MMP19: variants seen among roughly 807,000 people sequenced by gnomAD.
MMP19 encodes matrix metalloproteinase-19.
Under a neutral mutation model 46.6 loss-of-function variants are expected in MMP19, and 47 were observed. The observed-to-expected ratio is 1.01, with a 90% CI of 0.80 to 1.29. The LOEUF (loss-of-function observed/expected upper bound fraction) is 1.29. MMP19 is among the 50% of genes most tolerant of loss of function. MMP19 has a pLI of 0.00. For missense variants in MMP19, 589 were observed against 643.5 expected, an observed-to-expected ratio of 0.92 and a Z score of 0.92; for synonymous variants, 222 against 248.5, an observed-to-expected ratio of 0.89 and a Z score of 1.00.
chr12:55,837,869 C>T lies in MMP19; in HGVS notation c.1034G>A (p.Arg345Gln), dbSNP rs762888609. 4 of 1,610,520 alleles carry T rather than the reference C, an allele frequency of 2.5e-6. No individual in the cohort carries two copies. The highest frequency in any genetic ancestry group is 3.4e-6 in the Non-Finnish European group (4 of 1,177,158). The change falls in exon 7 of 9, where the codon CGA becomes CAA. Residue 345 changes from arginine (R) to glutamine (Q), a missense_variant. Physicochemically the swap from Arg to Gln is conservative, Grantham distance 43. Transcript: ENST00000322569. ...CTTAAAGAAGTGAATCCATTGTGTT[C>T]GAGGCGAGTAGACAGCAGCATCCAG... is the stretch of plus-strand genomic sequence containing the variant. ...GNLDAAVYSPRTQWIHFFKGD... is the reference protein window; with the variant it reads ...GNLDAAVYSPQTQWIHFFKGD...
chr12:55,842,623 G>C (rs979148808), intron 1 of MMP19, 121 bp downstream of exon 1: 13 of 905,834 alleles, frequency 1.4e-5, no homozygotes, highest in Admixed American at 1.2e-4. Flanking sequence ...GGTAGACCAT[G>C]GGGCAGAGAG....
Position 55,837,850 on chromosome 12 carries a change from G to T in MMP19, c.1053C>A (p.Phe351Leu). The T allele has an allele frequency of 1.2e-6, 2 of 1,604,832 alleles. No homozygotes were observed. Among genetic ancestry groups the T allele is most frequent in the Non-Finnish European group, 1.7e-6 (2 of 1,172,678 alleles). The change falls in exon 7 of 9, where the codon TTC becomes TTA. Residue 351 changes from phenylalanine to leucine, a missense_variant. Phe to Leu is a conservative substitution (Grantham distance 22). Transcript: ENST00000322569. ...VYSPRTQWIH[F>L]FKGDKVWRYI... ...TGTAACTAGCCTCCTTACCCTTAAA[G>T]AAGTGAATCCATTGTGTTCGAGGCG...
intron 4 of MMP19, 87 bp from the exon 5 acceptor site, chr12:55,839,828 A>G (rs1232106300): frequency 2.7e-6 from 4 of 1,458,880 alleles, no homozygotes; most frequent in East Asian, 2.5e-5. Context: ...TAATTAATGC[A>G]TACCTTTAAA....
chr12:55,839,660 TA>T lies in MMP19; in HGVS notation c.601del (p.Tyr201ThrfsTer4), dbSNP rs759680750. 3.7e-6 allele frequency: 6 copies of T among 1,614,114 alleles called. No homozygotes were observed. Among genetic ancestry groups the T allele is most frequent in the Non-Finnish European group, 5.1e-6 (6 of 1,180,046 alleles). ...DEDEFWTEGT[Y>X]RGVNLRIIAA... ...AATGATGCGCAGGTTCACCCCACGG[TA>T]GGTCCCCTCAGTCCAGAACTCGTCT... is the stretch of plus-strand genomic sequence containing the variant. On this transcript the variant is annotated frameshift_variant, in exon 5 of 9. Transcript: ENST00000322569. LOFTEE classifies it high-confidence loss of function.
chr12:55,839,167 G>A (rs1406212968), intron 5 of MMP19, among the ~76,000 whole-genome samples: 1 of 151,518 alleles, frequency 6.6e-6, no homozygotes, highest in Non-Finnish European at 1.5e-5. Flanking sequence ...GCTTGAACCC[G>A]GGAGGCGGAG....
In MMP19 at chr12:55,836,960, T is replaced by A. The variant is rs773990083; in HGVS notation, c.*76A>T. On this transcript the variant is annotated 3_prime_UTR_variant, in exon 9 of 9. Coordinates refer to ENST00000322569, the MANE Select transcript of MMP19 (RefSeq NM_002429.6). ...TTCATTCAGCTATTAGGCCTTAGGCTTCTGGGGGGGAAATGAAAGGGTGGG... is the reference window on the plus strand; with the variant it reads ...TTCATTCAGCTATTAGGCCTTAGGCATCTGGGGGGGAAATGAAAGGGTGGG... 111 of 1,346,960 alleles carry A rather than the reference T, an allele frequency of 8.2e-5. No homozygotes were observed. Among genetic ancestry groups the A allele is most frequent in the Admixed American group, 2.0e-4 (9 of 44,788 alleles). 83.4% of individuals were successfully genotyped at this position (1,346,960 alleles called of 1,614,324 possible).
Position 55,841,198 on chromosome 12 carries a change from T to A in MMP19, c.212A>T (p.Gln71Leu), listed in dbSNP as rs1565699233. The A allele has an allele frequency of 6.2e-7, 1 of 1,613,868 alleles. No individual in the cohort carries two copies. Among genetic ancestry groups the A allele is most frequent in the South Asian group, 1.1e-5 (1 of 91,082 alleles). ...GCGGGCCCTTGTGGCATCATCCAGC[T>A]GACCTGAGACTGGAAGTTCAGATGC... The part of the protein sequence containing the change: ...QEASELPVSG[Q>L]LDDATRARMR... The change falls in exon 3 of 9, where the codon CAG (glutamine) becomes CTG (leucine). Residue 71 changes from glutamine to leucine, a missense_variant. Transcript: ENST00000322569.
chr12:55,842,602 G>T, intron 1 of MMP19, 142 bp downstream of exon 1: 1 of 851,398 alleles, frequency 1.2e-6, no homozygotes, highest in Admixed American at 2.1e-5. Context: ...GAAGCAGCGG[G>T]AGATGGGCAG....
rs1479758128 is a variant in MMP19, at chr12:55,837,890, T to C, written c.1013A>G (p.Asp338Gly). The C allele has an allele frequency of 3.1e-6, 5 of 1,613,118 alleles. No individual in the cohort carries two copies. The highest frequency in any genetic ancestry group is 4.2e-6 in the Non-Finnish European group (5 of 1,179,280). The change falls in exon 7 of 9, where the codon GAT becomes GGT. Residue 338 changes from aspartate to glycine, a missense_variant. By Grantham distance (94) the Asp-to-Gly change is moderately conservative. Coordinates refer to ENST00000322569, the MANE Select transcript of MMP19 (RefSeq NM_002429.6). ...ALWEGLPGNL[D>G]AAVYSPRTQW... is the part of the protein sequence containing the mutation. ...TGTTCGAGGCGAGTAGACAGCAGCA[T>C]CCAGGTTTCCGGGGAGCCCCTCCCA...
At position 55,839,746 on chromosome 12, in the gene MMP19, A is replaced by G. The variant is rs1361261549; in HGVS notation, c.521-5T>C. The G allele has an allele frequency of 3.1e-6, 5 of 1,607,808 alleles. No individual in the cohort carries two copies. The East Asian group carries it at 1.1e-4, about 36-fold the overall frequency. On this transcript the variant is annotated splice_region_variant and splice_polypyrimidine_tract_variant and intron_variant, in intron 4 of 8. Transcript: ENST00000322569. ...CGGCATGGGCCAGGACTCTCCCTGG[A>G]CAAAGGCAAAGGTGAACAGGAAGGA...
chr12:55,840,178 G>A lies in MMP19; in HGVS notation c.521-437C>T, dbSNP rs1592608361. ...TCATCTCTACAAAAATTAGCCAGGT[G>A]TGGTAGTGTTTGCCTGTAGTCTCTA... is the stretch of plus-strand genomic sequence containing the variant. On this transcript the variant is annotated intron_variant, in intron 4 of 8. Coordinates refer to ENST00000322569, the MANE Select transcript of MMP19 (RefSeq NM_002429.6). The A allele has an allele frequency of 2.9e-5, 6 of 207,416 alleles. No homozygotes were observed. In the South Asian group the frequency reaches 3.7e-4, roughly 13 times the overall value. 12.8% of individuals were successfully genotyped at this position (207,416 alleles called of 1,614,324 possible).
At chr12:55,840,340 GAGGGAGGGAGGGAGGGAGAGAAGGAAGGA>G (rs1881586757) in intron 4 of MMP19, among the ~76,000 whole-genome samples, 2 of 136,458 alleles carry the variant, frequency 1.5e-5, no homozygotes, top group African/African-American at 5.7e-5. Flanking sequence ...GGAAAGAAGG[GAGGGAGGGAGGGAGGGAGAGAAGGAAGGA>G]AGGGAGGGAG....
rs1386328301 is a variant in MMP19 at position 55,836,215 on chromosome 12, A to G, written c.*821T>C. 6.6e-6 allele frequency: 1 copy of G among 152,202 alleles called. No homozygotes were observed. Among genetic ancestry groups the G allele is most frequent in the Non-Finnish European group, 1.5e-5 (1 of 68,044 alleles). 9.4% of individuals were successfully genotyped at this position (152,202 alleles called of 1,614,324 possible). ...CAATGGGAGGGAGGGAGAACATGGGAGCATGTGAATAAAATGGCATTAAAT... is the reference window on the plus strand; with the variant it reads ...CAATGGGAGGGAGGGAGAACATGGGGGCATGTGAATAAAATGGCATTAAAT... On this transcript the variant is annotated 3_prime_UTR_variant, in exon 9 of 9. Coordinates refer to ENST00000322569, the MANE Select transcript of MMP19 (RefSeq NM_002429.6).
At position 55,842,863 on chromosome 12, in the gene MMP19, C is replaced by G; in HGVS notation, c.-33G>C. ...CCAGACGAGAGCTCCAGAGGCTGTC[C>G]GTGCCTCTGACCTGAGATTTCTGGG... On this transcript the variant is annotated 5_prime_UTR_variant, in exon 1 of 9. Transcript: ENST00000322569. 1 of 1,533,676 alleles carries G rather than the reference C, an allele frequency of 6.5e-7. No homozygotes were observed. The highest frequency in any genetic ancestry group is 8.9e-7 in the Non-Finnish European group (1 of 1,127,334).
At chr12:55,838,872 A>G (rs1197872575) in intron 5 of MMP19, 138 bp from the exon 6 acceptor site, 2 of 669,984 alleles carry the variant, frequency 3.0e-6, no homozygotes, top group Non-Finnish European at 5.1e-6. Context: ...GTGGTAGGCA[A>G]TATTATGTTG....
At position 55,836,016 on chromosome 12, in the gene MMP19, A is replaced by G. The variant is rs1198924491; in HGVS notation, c.*1020T>C. ...GGTCTTCAGGGCTGCATAGGATGCA[A>G]GTGCCTTCTCTGCTTCTCACCGTGG... On this transcript the variant is annotated 3_prime_UTR_variant, in exon 9 of 9. Coordinates refer to ENST00000322569, the MANE Select transcript of MMP19 (RefSeq NM_002429.6). 1 of 152,282 alleles carries G rather than the reference A, an allele frequency of 6.6e-6. No individual in the cohort carries two copies. Among genetic ancestry groups the G allele is most frequent in the East Asian group, 1.9e-4 (1 of 5,196 alleles). 9.4% of individuals were successfully genotyped at this position (152,282 alleles called of 1,614,324 possible).
chr12:55,837,729 T>G, intron 7 of MMP19, 47 bp from the exon 8 acceptor site: 1 of 1,612,692 alleles, frequency 6.2e-7, no homozygotes, highest in East Asian at 2.2e-5. Flanking sequence ...CCTCAGGTGA[T>G]AGCTTTTGGT....
intron 5 of MMP19, 21 bp from the exon 6 acceptor site, chr12:55,838,755 G>A: frequency 6.5e-7 from 1 of 1,543,726 alleles, no homozygotes; most frequent in Non-Finnish European, 8.8e-7. Flanking sequence ...AAGTAATGCT[G>A]CTTAGGGAGA....
chr12:55,840,747 A>T lies in MMP19; in HGVS notation c.440T>A (p.Val147Glu). 1.2e-6 allele frequency: 2 copies of T among 1,613,946 alleles called. No individual in the cohort carries two copies. Among genetic ancestry groups the T allele is most frequent in the Admixed American group, 1.7e-5 (1 of 59,976 alleles). Residue 147 changes from valine (V) to glutamate (E), a missense_variant, in exon 4 of 9, where the codon GTG (valine) becomes GAG (glutamate). By Grantham distance (121) the Val-to-Glu change is moderately radical. Transcript: ENST00000322569. ...SNVAPLTFQE[V>E]QAGAADIRLS... Reference sequence around the variant, plus strand: ...GCGGATGTCAGCCGCACCAGCCTGCACCTCTTGGAAGGTCAAGGGAGCCAC... The same window carrying T: ...GCGGATGTCAGCCGCACCAGCCTGCTCCTCTTGGAAGGTCAAGGGAGCCAC...
Sources: gnomAD v4.1 joint callset for allele counts (sites outside exome capture counted in the v4.1 genomes callset) on GRCh38, gnomAD v4.1.1 for gene constraint, MANE v1.5 for transcripts, NCBI Gene and HGNC (gene_info 2026-07-23, HGNC 2026-07-21) for gene names.